The following ADAMTSL1 variants were observed in gnomAD, a reference collection of about 807,000 sequenced individuals.
The protein encoded by ADAMTSL1 is ADAMTS like 1, also known as ADAMTS-like protein 1.
In ADAMTSL1, 126 loss-of-function variants were observed where a neutral mutation model predicts 201.8. The observed-to-expected ratio is 0.62, with a 90% CI of 0.54 to 0.72. The LOEUF (loss-of-function observed/expected upper bound fraction) is 0.72, where lower values mean the gene tolerates loss of function less well. Ranked by LOEUF, ADAMTSL1 falls within the 30% of genes least tolerant of loss-of-function variation. ADAMTSL1 has a pLI of 0.00. For missense variants in ADAMTSL1, 2,679 were observed against 2,277.8 expected (o/e 1.18, Z -3.59); for synonymous variants, 1,121 against 903.4 (o/e 1.24, Z -4.32).
chr9:18,770,916 A>G (rs1199687571), intron 17 of ADAMTSL1, 135 bp downstream of exon 17: 3 of 989,438 alleles, frequency 3.0e-6, no homozygotes, highest in Admixed American at 2.7e-5. Context: ...TTGTAACCAT[A>G]TATACCGTAG....
intron 1 of ADAMTSL1, among the ~76,000 whole-genome samples, chr9:18,481,827 A>G (rs1821742443): frequency 6.6e-6 from 1 of 152,166 alleles, no homozygotes; most frequent in African/African-American, 2.4e-5. Flanking sequence ...TTCTTTAGGG[A>G]AAAACTATTT....
rs79291317 is a variant in ADAMTSL1 at position 18,394,253 on chromosome 9, C to G, written c.208-110576C>G. ...GGGGGATTGCATTGTTTTAAATCCT[C>G]AAGTTGATTGTTAAAAATAGTGAAA... On this transcript the variant is annotated intron_variant, in intron 2 of 29. Coordinates refer to the ADAMTSL1 transcript ENST00000680146. Among the ~76,000 whole-genome samples the G allele has an allele frequency of 4.8e-3, 727 of 152,188 alleles. 4 individuals are homozygous for G. Among genetic ancestry groups the G allele is most frequent in the African/African-American group, 0.015 (642 of 41,528 alleles).
Position 18,608,699 on chromosome 9 carries a change from A to G in ADAMTSL1, c.475-13544A>G, listed in dbSNP as rs1168159163. ...CTACTTCCAACTCAGTCCCATCACT[A>G]TATCCAGCAGCTCACCTTTCATCTG... is the stretch of plus-strand genomic sequence containing the variant. On this transcript the variant is annotated intron_variant, in intron 4 of 28. Coordinates refer to ENST00000380548, the MANE Select transcript of ADAMTSL1 (RefSeq NM_001040272.6). Among the ~76,000 whole-genome samples, 3 of 152,154 alleles carry G rather than the reference A, an allele frequency of 2.0e-5. No individual in the cohort carries two copies. In the East Asian group the frequency reaches 5.8e-4, roughly 29 times the overall value.
rs575773369 is a variant in ADAMTSL1 at position 18,146,965 on chromosome 9, C to T, written c.88-16897C>T. On this transcript the variant is annotated intron_variant, in intron 1 of 29. Transcript: ENST00000680146. ...CTAACACCTTTCTATTTCTCTTTCT[C>T]CTTTTAGACTCTATCTCTTTGAAGG... Among the ~76,000 whole-genome samples, 7 of 152,194 alleles carry T rather than the reference C, an allele frequency of 4.6e-5. No individual in the cohort carries two copies. The South Asian group carries it at 8.3e-4, about 18-fold the overall frequency.
At chr9:18,840,605 G>T (rs1482793765) in intron 23 of ADAMTSL1, among the ~76,000 whole-genome samples, 2 of 152,156 alleles carry the variant, frequency 1.3e-5, no homozygotes, top group African/African-American at 2.4e-5. Flanking sequence ...GGATGGCATT[G>T]AATCTATAAA....
At chr9:18,649,716 C>G (rs550404187) in intron 7 of ADAMTSL1, among the ~76,000 whole-genome samples, 2 of 152,224 alleles carry the variant, frequency 1.3e-5, no homozygotes, top group African/African-American at 4.8e-5. Context: ...TTTCATGAAC[C>G]TCAAATGCTG....
intron 2 of ADAMTSL1, among the ~76,000 whole-genome samples, chr9:18,307,181 GCTC>G (rs1379053091): frequency 6.6e-5 from 10 of 151,994 alleles, no homozygotes; most frequent in African/African-American, 2.2e-4. Context: ...CTTTACAAAA[GCTC>G]CTGAAGGAAG....
At chr9:18,763,122 C>T (rs1169595610) in intron 16 of ADAMTSL1, among the ~76,000 whole-genome samples, 1 of 152,170 alleles carries the variant, frequency 6.6e-6, no homozygotes, top group Admixed American at 6.5e-5. Flanking sequence ...ACATTCCCAC[C>T]CACAGTGTAT....
intron 1 of ADAMTSL1, among the ~76,000 whole-genome samples, chr9:18,484,269 C>T (rs917184172): frequency 6.6e-6 from 1 of 152,114 alleles, no homozygotes; most frequent in Non-Finnish European, 1.5e-5. Context: ...TCAGTACTTT[C>T]CAGTGGTTTT....
Position 18,622,347 on chromosome 9 carries a change from A to T in ADAMTSL1, c.579A>T (p.Lys193Asn), listed in dbSNP as rs1207153336. Residue 193 changes from lysine (K) to asparagine (N), a missense_variant, in exon 5 of 29, where the codon AAA becomes AAT. Lys to Asn is a moderately conservative substitution (Grantham distance 94). Transcript: ENST00000380548. ...STCRLVRGQYKSQLSATKSDD... is the reference protein window; with the variant it reads ...STCRLVRGQYNSQLSATKSDD... ...GCCGGCTGGTCCGAGGGCAGTATAAATCCCAGCTCTCCGCAACCAAATGTA... is the reference window on the plus strand; with the variant it reads ...GCCGGCTGGTCCGAGGGCAGTATAATTCCCAGCTCTCCGCAACCAAATGTA... 2 of 1,614,010 alleles carry T rather than the reference A, an allele frequency of 1.2e-6. No individual in the cohort carries two copies. Among genetic ancestry groups the T allele is most frequent in the Admixed American group, 3.3e-5 (2 of 60,014 alleles).
At chr9:18,314,294 A>G (rs1271948644) in intron 2 of ADAMTSL1, among the ~76,000 whole-genome samples, 1 of 152,216 alleles carries the variant, frequency 6.6e-6, no homozygotes, top group Non-Finnish European at 1.5e-5. Context: ...TCTCAAAATT[A>G]AAAGTAGAAC....
intron 2 of ADAMTSL1, among the ~76,000 whole-genome samples, chr9:18,462,508 A>G (rs1820844921): frequency 3.9e-5 from 6 of 152,212 alleles, no homozygotes; most frequent in Admixed American, 2.6e-4. Flanking sequence ...TTATATAACT[A>G]TGACCTTTGA....
chr9:18,260,633 G>A (rs910934637), intron 2 of ADAMTSL1, among the ~76,000 whole-genome samples: 1 of 152,200 alleles, frequency 6.6e-6, no homozygotes, highest in African/African-American at 2.4e-5. Flanking sequence ...CCTTGGCATT[G>A]TTTCTGCTGC....
intron 14 of ADAMTSL1, among the ~76,000 whole-genome samples, chr9:18,712,811 A>G (rs10811015): frequency 0.79 from 119,278 of 150,522 alleles, 47,887 homozygotes; most frequent in Admixed American, 0.87. Flanking sequence ...ATTCACCAAC[A>G]TTGAAATGAA....
intron 3 of ADAMTSL1, among the ~76,000 whole-genome samples, chr9:18,538,047 G>A (rs1819902112): frequency 6.6e-6 from 1 of 152,084 alleles, no homozygotes; most frequent in South Asian, 2.1e-4. Flanking sequence ...ATAATTTTAA[G>A]CAGGGGAGAG....
intron 1 of ADAMTSL1, among the ~76,000 whole-genome samples, chr9:18,110,574 C>T (rs934826728): frequency 3.9e-5 from 6 of 152,114 alleles, no homozygotes; most frequent in African/African-American, 1.4e-4. Flanking sequence ...TCTTTTTGAG[C>T]TAGTGATTCA....
chr9:18,046,498 A>G (rs1232805791), intron 1 of ADAMTSL1, among the ~76,000 whole-genome samples: 1 of 152,186 alleles, frequency 6.6e-6, no homozygotes, highest in Non-Finnish European at 1.5e-5. Context: ...AACTGGCTAA[A>G]ATATAGTCAC....
At chr9:18,277,204 A>G (rs563358045) in intron 2 of ADAMTSL1, among the ~76,000 whole-genome samples, 69 of 152,300 alleles carry the variant, frequency 4.5e-4, no homozygotes, top group African/African-American at 1.6e-3. Flanking sequence ...CTTGAAAATA[A>G]TATGTATTCT....
intron 2 of ADAMTSL1, among the ~76,000 whole-genome samples, chr9:18,290,939 G>A (rs572980581): frequency 8.5e-5 from 13 of 152,066 alleles, no homozygotes; most frequent in South Asian, 4.2e-4. Context: ...CTGCCACGGC[G>A]CCTGGCTAAT....
Sources: gnomAD v4.1 joint callset for allele counts (sites outside exome capture counted in the v4.1 genomes callset) on GRCh38, gnomAD v4.1.1 for gene constraint, MANE v1.5 for transcripts, NCBI Gene and HGNC (gene_info 2026-07-23, HGNC 2026-07-21) for gene names.